The following CDH13 variants were observed in gnomAD, a reference collection of about 807,000 sequenced individuals.
CDH13 encodes the protein cadherin 13.
CDH13 carries 24 observed loss-of-function variants against 63.8 expected under a neutral mutation model. That is an observed-to-expected ratio of 0.38 (90% confidence interval 0.27 to 0.53). The LOEUF (loss-of-function observed/expected upper bound fraction) is 0.53, where lower values mean the gene tolerates loss of function less well. Among genes scored for constraint, CDH13 ranks in the 20% least tolerant of loss-of-function variants. The pLI is 0.85. For missense variants in CDH13, 1,049 were observed against 903.1 expected, an observed-to-expected ratio of 1.16 and a Z score of -2.07; for synonymous variants, 503 against 355.3, an observed-to-expected ratio of 1.42 and a Z score of -4.67.
intron 5 of CDH13, among the ~76,000 whole-genome samples, chr16:83,248,112 A>G (rs568933923): frequency 6.6e-6 from 1 of 152,280 alleles, no homozygotes; most frequent in Admixed American, 6.5e-5. Context: ...GATCAGAGAC[A>G]GGGGATGTGA....
At chr16:83,360,885 T>C (rs1222850948) in intron 6 of CDH13, among the ~76,000 whole-genome samples, 1 of 152,234 alleles carries the variant, frequency 6.6e-6, no homozygotes, top group South Asian at 2.1e-4. Flanking sequence ...TTCCATGTCT[T>C]TGCTATTTGA....
At chr16:82,734,912 A>G (rs1184223677) in intron 1 of CDH13, among the ~76,000 whole-genome samples, 7 of 152,174 alleles carry the variant, frequency 4.6e-5, no homozygotes, top group Admixed American at 2.0e-4. Context: ...TGGGTCCTGC[A>G]TTGAAGTAGG....
intron 1 of CDH13, among the ~76,000 whole-genome samples, chr16:82,673,687 C>A (rs748181678): frequency 6.6e-6 from 1 of 152,192 alleles, no homozygotes; most frequent in Non-Finnish European, 1.5e-5. Context: ...GTTGAGAAAT[C>A]GAGTATAGTT....
At chr16:82,880,642 G>A (rs917270127) in intron 2 of CDH13, among the ~76,000 whole-genome samples, 8 of 152,170 alleles carry the variant, frequency 5.3e-5, no homozygotes, top group African/African-American at 1.9e-4. Flanking sequence ...AACGGTGCCT[G>A]ATTAGCAAGC....
chr16:82,738,428 C>G (rs1337184788), intron 1 of CDH13, among the ~76,000 whole-genome samples: 2 of 152,186 alleles, frequency 1.3e-5, no homozygotes, highest in African/African-American at 4.8e-5. Flanking sequence ...CACCTGAAAT[C>G]TCTCTCATTC....
chr16:83,570,387 G>A (rs1258051933), intron 7 of CDH13, among the ~76,000 whole-genome samples: 1 of 152,072 alleles, frequency 6.6e-6, no homozygotes, highest in African/African-American at 2.4e-5. Flanking sequence ...ATGTGACTCT[G>A]TGTCTGCCCC....
intron 4 of CDH13, among the ~76,000 whole-genome samples, chr16:83,142,936 T>G (rs2036597693): frequency 6.6e-6 from 1 of 152,174 alleles, no homozygotes; most frequent in Non-Finnish European, 1.5e-5. Flanking sequence ...AAACCCCGTA[T>G]GTACTGAAAA....
chr16:83,355,998 C>G (rs13335440), intron 6 of CDH13, among the ~76,000 whole-genome samples: 1,758 of 152,186 alleles, frequency 0.012, 29 homozygotes, highest in African/African-American at 0.041. Flanking sequence ...TAGGTGACTC[C>G]GCCGTGGTCA....
chr16:83,217,674 G>T lies in CDH13; in HGVS notation c.636+177G>T, dbSNP rs143757213. Among the ~76,000 whole-genome samples, 371 of 152,236 alleles carry T rather than the reference G, an allele frequency of 2.4e-3. 1 individual carries two copies. The highest frequency in any genetic ancestry group is 7.0e-3 in the African/African-American group (290 of 41,552). The stretch of plus-strand genomic sequence containing the variant: ...TGAACCCTGACAGGGCAACAGTGGG[G>T]GGTCTTTATCTCATCAGTAGAGCCC... On this transcript the variant is annotated intron_variant, in intron 5 of 13. Transcript: ENST00000567109.
intron 2 of CDH13, among the ~76,000 whole-genome samples, chr16:82,889,042 A>C (rs1475277702): frequency 6.6e-6 from 1 of 152,214 alleles, no homozygotes; most frequent in Admixed American, 6.5e-5. Flanking sequence ...GTGGCTGACC[A>C]TGTTGATAAG....
intron 1 of CDH13, among the ~76,000 whole-genome samples, chr16:82,714,021 A>G (rs573179635): frequency 6.6e-6 from 1 of 151,900 alleles, no homozygotes; most frequent in African/African-American, 2.4e-5. Flanking sequence ...CTGGTCTCAC[A>G]CTCCTGACCT....
intron 6 of CDH13, among the ~76,000 whole-genome samples, chr16:83,406,426 G>A (rs1035596874): frequency 5.0e-5 from 5 of 99,662 alleles, no homozygotes; most frequent in East Asian, 2.3e-4. Flanking sequence ...TTCCCCCCCC[G>A]CCTCTCTCTC....
chr16:82,698,203 G>A (rs555945329), intron 1 of CDH13, among the ~76,000 whole-genome samples: 2 of 152,268 alleles, frequency 1.3e-5, no homozygotes, highest in South Asian at 4.1e-4. Context: ...CTAAGGCAGT[G>A]CTATCTCTAG....
chr16:83,748,964 G>C (rs1912843387), intron 11 of CDH13, among the ~76,000 whole-genome samples: 2 of 152,178 alleles, frequency 1.3e-5, no homozygotes, highest in African/African-American at 2.4e-5. Flanking sequence ...GCAAGATGGT[G>C]GCCTGGACCA....
At chr16:83,511,925 A>G (rs181246806) in intron 7 of CDH13, among the ~76,000 whole-genome samples, 134 of 152,270 alleles carry the variant, frequency 8.8e-4, no homozygotes, top group African/African-American at 3.1e-3. Flanking sequence ...GGGGCTCATA[A>G]AAGCAATCAC....
chr16:82,697,445 T>TTTTTTTTTTTC, intron 1 of CDH13, among the ~76,000 whole-genome samples: 1 of 134,944 alleles, frequency 7.4e-6, no homozygotes, highest in Middle Eastern at 3.8e-3. Flanking sequence ...TTTTTTTTTT[T>TTTTTTTTTTTC]TTGAGACAGA....
At chr16:83,441,961 G>A (rs1253366802) in intron 6 of CDH13, among the ~76,000 whole-genome samples, 1 of 152,134 alleles carries the variant, frequency 6.6e-6, no homozygotes, top group East Asian at 1.9e-4. Context: ...TATCTATAAG[G>A]AGGCTGGGAT....
In CDH13 at chr16:82,991,800, G is replaced by A. The variant is rs1174411176; in HGVS notation, c.158-40210G>A. 2.6e-5 allele frequency among the ~76,000 whole-genome samples: 4 copies of A among 152,022 alleles called. No homozygotes were observed. In the East Asian group the frequency reaches 7.7e-4, roughly 29 times the overall value. On this transcript the variant is annotated intron_variant, in intron 2 of 13. Transcript: ENST00000567109. ...AGAAGTTTGAGCACAGCTGATCTTA[G>A]CCTTGAACATAGTTGAGGAAGAGGG...
At chr16:82,845,970 G>A (rs533661010) in intron 1 of CDH13, among the ~76,000 whole-genome samples, 1 of 152,292 alleles carries the variant, frequency 6.6e-6, no homozygotes, top group African/African-American at 2.4e-5. Flanking sequence ...ATTCCATTTA[G>A]ACAAAAATTG....
Sources: gnomAD v4.1 joint callset for allele counts (sites outside exome capture counted in the v4.1 genomes callset) on GRCh38, gnomAD v4.1.1 for gene constraint, MANE v1.5 for transcripts, NCBI Gene and HGNC (gene_info 2026-07-23, HGNC 2026-07-21) for gene names.